Variants in PARG observed in about 807,000 individuals in gnomAD.
The protein encoded by PARG is mitochondrial poly(ADP-ribose) glycohydrolase.
In PARG, 35 loss-of-function variants were observed where a neutral mutation model predicts 113.0. The ratio of observed to expected loss-of-function variants is 0.31; its 90% CI spans 0.24 to 0.41. PARG has a LOEUF of 0.41. Among genes scored for constraint, PARG ranks in the 10% least tolerant of loss-of-function variants. The pLI, the probability that PARG is intolerant of heterozygous loss-of-function variation, is 1.00. For missense variants in PARG, 797 were observed against 1,169.4 expected (o/e 0.68, Z 4.64); for synonymous variants, 330 against 409.9 (o/e 0.81, Z 2.36).
intron 16 of PARG, among the ~76,000 whole-genome samples, 160 bp downstream of exon 16, chr10:49,832,643 C>T (rs1329208494): frequency 5.9e-5 from 9 of 152,140 alleles, no homozygotes; most frequent in African/African-American, 2.2e-4. Context: ...AATAAGAATT[C>T]CTTCAAACAT....
chr10:49,841,801 T>C (rs1845252566), intron 15 of PARG, 149 bp downstream of exon 15: 1 of 615,876 alleles, frequency 1.6e-6, no homozygotes, highest in Non-Finnish European at 2.9e-6. Flanking sequence ...GTACATCTTG[T>C]ACAAGCTGAC....
rs1222295894 is a variant in PARG at position 49,877,057 on chromosome 10, T to C, written c.1988+2616A>G. Among the ~76,000 whole-genome samples, 6 of 149,708 alleles carry C rather than the reference T, an allele frequency of 4.0e-5. 1 individual carries two copies. In the East Asian group the frequency reaches 1.2e-3, roughly 29 times the overall value. On this transcript the variant is annotated intron_variant, in intron 9 of 17. Transcript: ENST00000616448. Reference sequence around the variant, plus strand: ...TAGTGTTGATAGTAGAGGGTAACCATATATAATAACAAATTATCATCAATA... The same window carrying C: ...TAGTGTTGATAGTAGAGGGTAACCACATATAATAACAAATTATCATCAATA...
chr10:49,893,008 T>A (rs1164206961), intron 7 of PARG, among the ~76,000 whole-genome samples: 1 of 152,238 alleles, frequency 6.6e-6, no homozygotes, highest in Non-Finnish European at 1.5e-5. Context: ...TGTCCCCAGG[T>A]TTTGGCTATT....
chr10:49,819,134 T>C lies in PARG; in HGVS notation c.*206A>G, dbSNP rs373876839. ...AATAGAAGAAAATAGAAACAAAACA[T>C]ATCTAAGTCCACGTGAGTCAGGATG... On this transcript the variant is annotated 3_prime_UTR_variant, in exon 18 of 18. Coordinates refer to ENST00000616448, the MANE Select transcript of PARG (RefSeq NM_003631.5). The C allele has an allele frequency of 1.7e-4, 76 of 450,670 alleles. No individual in the cohort carries two copies. In the South Asian group the frequency reaches 3.7e-3, roughly 22 times the overall value. 27.9% of individuals were successfully genotyped at this position (450,670 alleles called of 1,614,324 possible).
chr10:49,837,508 T>A (rs1361815355), intron 15 of PARG, among the ~76,000 whole-genome samples: 1 of 152,120 alleles, frequency 6.6e-6, no homozygotes, highest in Non-Finnish European at 1.5e-5. Flanking sequence ...ATATTAAACA[T>A]TGTCTCCAAG....
intron 7 of PARG, among the ~76,000 whole-genome samples, chr10:49,909,405 T>C (rs1554845672): frequency 1.3e-5 from 2 of 152,070 alleles, no homozygotes; most frequent in Non-Finnish European, 2.9e-5. Flanking sequence ...ACTGATGCTC[T>C]GTCAATACAT....
chr10:49,913,829 C>T (rs1368436237), intron 7 of PARG, among the ~76,000 whole-genome samples: 18 of 152,114 alleles, frequency 1.2e-4, no homozygotes, highest in African/African-American at 2.2e-4. Flanking sequence ...CTTGAACCCG[C>T]GAGGCAGAAA....
intron 16 of PARG, among the ~76,000 whole-genome samples, chr10:49,824,841 A>G (rs1844272906): frequency 6.6e-6 from 1 of 152,208 alleles, no homozygotes; most frequent in African/African-American, 2.4e-5. Flanking sequence ...TCACACAGCC[A>G]GAAAGCGGTG....
At chr10:49,846,012 A>G (rs1343709366) in intron 13 of PARG, among the ~76,000 whole-genome samples, 4 of 151,772 alleles carry the variant, frequency 2.6e-5, no homozygotes, top group Non-Finnish European at 4.4e-5. Flanking sequence ...TGACAGAATA[A>G]CTGGGGGCTG....
At chr10:49,820,330 A>G in intron 16 of PARG, 37 bp from the exon 17 acceptor site, 1 of 1,492,634 alleles carries the variant, frequency 6.7e-7, no homozygotes, top group Non-Finnish European at 9.1e-7. Flanking sequence ...ATATCATGAC[A>G]TTTTCCACCT....
At chr10:49,853,210 G>C (rs2132502375) in intron 13 of PARG, among the ~76,000 whole-genome samples, 1 of 151,472 alleles carries the variant, frequency 6.6e-6, no homozygotes, top group Middle Eastern at 3.4e-3. Flanking sequence ...ATTTTTTTTT[G>C]TATGTTTAGT....
In PARG at chr10:49,841,991, C is replaced by G; in HGVS notation, c.2500G>C (p.Asp834His). 6.5e-7 allele frequency: 1 copy of G among 1,549,912 alleles called. No homozygotes were observed. Among genetic ancestry groups the G allele is most frequent in the Non-Finnish European group, 8.7e-7 (1 of 1,146,828 alleles). Residue 834 changes from aspartate (D) to histidine (H), a missense_variant, in exon 15 of 18, where the codon GAT becomes CAT. Transcript: ENST00000616448. Reference protein sequence around the residue: ...IDALHFRRYLDQFVPEKMRRE... With the variant: ...IDALHFRRYLHQFVPEKMRRE... ...CTCATTTTCTCAGGCACAAACTGAT[C>G]GAGGTAGCGTCTGAAGTGAAGAGCA...
At chr10:49,848,614 A>G (rs1254309689) in intron 13 of PARG, among the ~76,000 whole-genome samples, 1 of 150,010 alleles carries the variant, frequency 6.7e-6, no homozygotes, top group Admixed American at 6.6e-5. Context: ...TTCTTTTATG[A>G]AGCATTCCTT....
chr10:49,827,069 T>C lies in PARG; in HGVS notation c.2647+5734A>G, dbSNP rs76189388. ...AGGTGGAAGGTATAAGCTACATTAGTGTCTCTTTCAACCAAAAGAATCCTA... is the reference window on the plus strand; with the variant it reads ...AGGTGGAAGGTATAAGCTACATTAGCGTCTCTTTCAACCAAAAGAATCCTA... On this transcript the variant is annotated intron_variant, in intron 16 of 17. Transcript: ENST00000616448. 7.5e-3 allele frequency among the ~76,000 whole-genome samples: 1,141 copies of C among 152,334 alleles called. 18 individuals are homozygous for C. The highest frequency in any genetic ancestry group is 0.025 in the African/African-American group (1,047 of 41,562).
intron 15 of PARG, among the ~76,000 whole-genome samples, chr10:49,836,553 AT>A (rs1317720945): frequency 6.6e-6 from 1 of 152,056 alleles, no homozygotes; most frequent in Non-Finnish European, 1.5e-5. Flanking sequence ...AAAATCCAAG[AT>A]TGGGTTATGT....
At chr10:49,906,159 T>TTTTTTTTTTTC (rs4012651) in intron 7 of PARG, among the ~76,000 whole-genome samples, 4 of 142,274 alleles carry the variant, frequency 2.8e-5, no homozygotes, top group Admixed American at 7.0e-5. Context: ...TTTTTTTTTT[T>TTTTTTTTTTTC]CCCAGTAGAA....
intron 16 of PARG, among the ~76,000 whole-genome samples, chr10:49,824,903 G>A (rs559315629): frequency 6.6e-6 from 1 of 152,228 alleles, no homozygotes; most frequent in African/African-American, 2.4e-5. Context: ...CACTGCTTCT[G>A]GGCTGCTGTG....
intron 7 of PARG, among the ~76,000 whole-genome samples, chr10:49,885,838 C>T (rs1235210862): frequency 2.0e-5 from 3 of 152,184 alleles, no homozygotes; most frequent in Non-Finnish European, 4.4e-5. Flanking sequence ...TTTCCAGACA[C>T]CCTTGGGAAG....
intron 10 of PARG, among the ~76,000 whole-genome samples, chr10:49,867,881 C>T (rs2573532): frequency 1.3e-5 from 2 of 151,978 alleles, no homozygotes; most frequent in South Asian, 2.1e-4. Flanking sequence ...TGTACTACTT[C>T]GTTATAATAA....
Sources: allele counts gnomAD v4.1 joint callset (sites outside exome capture counted in the v4.1 genomes callset), GRCh38; gene constraint gnomAD v4.1.1; transcripts MANE v1.5; gene names NCBI Gene and HGNC (gene_info 2026-07-23, HGNC 2026-07-21).